Variants in TIAM2 observed in about 807,000 individuals in gnomAD.
The protein encoded by TIAM2 is TIAM Rac1 associated GEF 2, also known as rho guanine nucleotide exchange factor TIAM2.
Under a neutral mutation model 152.9 loss-of-function variants are expected in TIAM2, and 80 were observed. The observed-to-expected ratio is 0.52, with a 90% CI of 0.44 to 0.63. TIAM2 has a LOEUF of 0.63. Among genes scored for constraint, TIAM2 ranks in the 30% least tolerant of loss-of-function variants. The pLI is 0.00. For synonymous variants in TIAM2, 804 were observed against 838.0 expected, an observed-to-expected ratio of 0.96 and a Z score of 0.70; for missense variants, 1,965 against 2,120.1, an observed-to-expected ratio of 0.93 and a Z score of 1.44.
In TIAM2 at chr6:154,995,815, G is replaced by C. The variant is rs912421418; in HGVS notation, c.-209+323G>C. Reference sequence around the variant, plus strand: ...CACGCCAGGACCCACTTTCAGCCCCGGTCCCATCCCGGATGGGAGGAGGCG... The same window carrying C: ...CACGCCAGGACCCACTTTCAGCCCCCGTCCCATCCCGGATGGGAGGAGGCG... On this transcript the variant is annotated intron_variant, in intron 1 of 26. Transcript: ENST00000682666. This position sits in a 1 kb window ranked among gnomAD's most constrained non-coding sequence, Gnocchi z 5.2. 2.0e-5 allele frequency among the ~76,000 whole-genome samples: 3 copies of C among 152,176 alleles called. No individual in the cohort carries two copies. The highest frequency in any genetic ancestry group is 2.9e-5 in the Non-Finnish European group (2 of 68,016).
At chr6:155,209,857 T>C (rs951509910) in intron 14 of TIAM2, among the ~76,000 whole-genome samples, 1 of 152,218 alleles carries the variant, frequency 6.6e-6, no homozygotes, top group African/African-American at 2.4e-5. Flanking sequence ...ACTGGCATTC[T>C]TGTCTCCCAG....
intron 1 of TIAM2, among the ~76,000 whole-genome samples, chr6:155,052,925 G>C (rs778725435): frequency 6.6e-6 from 1 of 152,174 alleles, no homozygotes; most frequent in Admixed American, 6.5e-5. Context: ...GACCATGTTT[G>C]TTTTGTTGAC....
chr6:155,199,297 C>T (rs1282834522), intron 14 of TIAM2, among the ~76,000 whole-genome samples: 2 of 152,044 alleles, frequency 1.3e-5, no homozygotes, highest in African/African-American at 4.8e-5. Context: ...AGGCTGGTCT[C>T]GAACTCCTGA....
At chr6:155,132,801 A>G (rs573283788) in intron 4 of TIAM2, among the ~76,000 whole-genome samples, 35 of 152,330 alleles carry the variant, frequency 2.3e-4, no homozygotes, top group African/African-American at 8.2e-4. Flanking sequence ...TCTTATGTGC[A>G]CTGAGTTTGT....
At position 155,129,198 on chromosome 6, in the gene TIAM2, T is replaced by A; in HGVS notation, c.-6-20T>A. 1 of 1,602,058 alleles carries A rather than the reference T, an allele frequency of 6.2e-7. No homozygotes were observed. Among genetic ancestry groups the A allele is most frequent in the Non-Finnish European group, 8.5e-7 (1 of 1,170,424 alleles). ...GTAATTTAGGCCACGGTCTTACTGATGCAACTGTTCTTAATTTAGGTTAAA... is the reference window on the plus strand; with the variant it reads ...GTAATTTAGGCCACGGTCTTACTGAAGCAACTGTTCTTAATTTAGGTTAAA... On this transcript the variant is annotated intron_variant, in intron 3 of 26. Coordinates refer to ENST00000682666, the MANE Select transcript of TIAM2 (RefSeq NM_012454.4). This position sits in a 1 kb window ranked among gnomAD's most constrained non-coding sequence, Gnocchi z 4.8.
At chr6:155,104,675 T>A (rs1382550237) in intron 2 of TIAM2, among the ~76,000 whole-genome samples, 1 of 150,954 alleles carries the variant, frequency 6.6e-6, no homozygotes, top group Non-Finnish European at 1.5e-5. Flanking sequence ...GGGAATCGCT[T>A]GAACCCGGGA....
intron 9 of TIAM2, among the ~76,000 whole-genome samples, chr6:155,173,169 TTGTGTGTGTG>T (rs60356205): frequency 1.4e-5 from 2 of 146,744 alleles, no homozygotes; most frequent in Admixed American, 6.8e-5. Context: ...TTTGTGAGGG[TTGTGTGTGTG>T]TGTGTGTGTG....
intron 25 of TIAM2, 154 bp downstream of exon 25, chr6:155,254,214 CTA>C: frequency 1.0e-6 from 1 of 979,642 alleles, no homozygotes; most frequent in Non-Finnish European, 1.5e-6. Flanking sequence ...TAGTAGGAGA[CTA>C]TGTTGATTAA....
intron 14 of TIAM2, among the ~76,000 whole-genome samples, chr6:155,198,519 A>T (rs963658314): frequency 6.6e-6 from 1 of 151,974 alleles, no homozygotes; most frequent in African/African-American, 2.4e-5. Flanking sequence ...AAAATTAGCC[A>T]GGCATGGTGG....
At chr6:155,015,574 C>T (rs9384265) in intron 1 of TIAM2, among the ~76,000 whole-genome samples, 1 of 152,026 alleles carries the variant, frequency 6.6e-6, no homozygotes, top group Non-Finnish European at 1.5e-5. Context: ...GAGAAGGGGA[C>T]TCAGAAAGAA....
At chr6:155,073,187 A>G (rs753661314) in intron 1 of TIAM2, among the ~76,000 whole-genome samples, 2 of 122,806 alleles carry the variant, frequency 1.6e-5, no homozygotes, top group South Asian at 2.4e-4. Flanking sequence ...TTTTTAGACT[A>G]AGTCTCGCTC....
chr6:155,242,412 A>T (rs1783086030), intron 16 of TIAM2, among the ~76,000 whole-genome samples: 1 of 152,168 alleles, frequency 6.6e-6, no homozygotes, highest in African/African-American at 2.4e-5. Flanking sequence ...GTTCCCTGAG[A>T]TATGATTCAG....
chr6:155,129,775 C>G lies in TIAM2; in HGVS notation c.552C>G (p.Ser184Arg). The change falls in exon 4 of 27, where the codon AGC (serine) becomes AGG (arginine). Residue 184 changes from serine (S) to arginine (R), a missense_variant. By Grantham distance (110) the Ser-to-Arg change is moderately radical. Coordinates refer to ENST00000682666, the MANE Select transcript of TIAM2 (RefSeq NM_012454.4). The surrounding 1 kb of genome is among the most constrained non-coding windows in gnomAD (Gnocchi z 4.8). ...RVEFHNGGNP[S>R]KVPAEDCSEP... The stretch of plus-strand genomic sequence containing the variant: ...AGTTCCACAATGGTGGCAACCCCAG[C>G]AAAGTGCCTGCAGAGGACTGCAGTG... 1 of 1,613,892 alleles carries G rather than the reference C, an allele frequency of 6.2e-7. No individual in the cohort carries two copies. The highest frequency in any genetic ancestry group is 8.5e-7 in the Non-Finnish European group (1 of 1,180,040).
intron 1 of TIAM2, among the ~76,000 whole-genome samples, chr6:155,033,831 C>T (rs1471030295): frequency 2.0e-5 from 3 of 151,962 alleles, no homozygotes; most frequent in African/African-American, 7.3e-5. Flanking sequence ...ATTCTCCTGC[C>T]TTAGCCTTCT....
At chr6:155,028,709 A>ATACTACATATAATATATATACTGTGT (rs1776702490) in intron 1 of TIAM2, among the ~76,000 whole-genome samples, 6 of 90,684 alleles carry the variant, frequency 6.6e-5, no homozygotes, top group African/African-American at 3.1e-4. Flanking sequence ...ACTGTGTTAT[A>ATACTACATATAATATATATACTGTGT]TATATACTAC....
chr6:155,178,165 T>TTAAA (rs1780801266), intron 10 of TIAM2, among the ~76,000 whole-genome samples: 1 of 83,286 alleles, frequency 1.2e-5, no homozygotes, highest in African/African-American at 4.2e-5. Flanking sequence ...CGTCTCAAAT[T>TTAAA]AAAAAAAAAA....
intron 15 of TIAM2, among the ~76,000 whole-genome samples, chr6:155,229,472 T>A (rs1164960411): frequency 6.6e-6 from 1 of 152,242 alleles, no homozygotes; most frequent in Non-Finnish European, 1.5e-5. Context: ...ATGTGACCCC[T>A]GCTTTTATAG....
At chr6:155,240,474 C>T (rs548375494) in intron 15 of TIAM2, 56 bp from the exon 16 acceptor site, 167 of 1,527,848 alleles carry the variant, frequency 1.1e-4, no homozygotes, top group Middle Eastern at 3.5e-4. Context: ...TTGGGGGCAG[C>T]GGATACTATC....
intron 7 of TIAM2, among the ~76,000 whole-genome samples, chr6:155,157,087 G>GT (rs143193138): frequency 0.021 from 3,233 of 152,258 alleles, 126 homozygotes; most frequent in African/African-American, 0.071. Context: ...AACCGTGTCT[G>GT]TTTTTTTATC....
Sources: allele counts gnomAD v4.1 joint callset (sites outside exome capture counted in the v4.1 genomes callset), GRCh38; gene constraint gnomAD v4.1.1; non-coding constraint Gnocchi (gnomAD v3.1); transcripts MANE v1.5; gene names NCBI Gene and HGNC (gene_info 2026-07-23, HGNC 2026-07-21).